Variants in IQGAP3 observed in about 807,000 individuals in gnomAD.
The protein encoded by IQGAP3 is IQ motif containing GTPase activating protein 3.
In IQGAP3, 165 loss-of-function variants were observed where a neutral mutation model predicts 208.2. The observed-to-expected ratio is 0.79, with a 90% CI of 0.70 to 0.90. IQGAP3 has a LOEUF of 0.90. Among genes scored for constraint, IQGAP3 ranks in the 40% least tolerant of loss-of-function variants. The pLI is 0.00. For synonymous variants in IQGAP3, 703 were observed against 803.6 expected (o/e 0.87, Z 2.12); for missense variants, 1,811 against 2,043.1 (o/e 0.89, Z 2.19).
intron 27 of IQGAP3, among the ~76,000 whole-genome samples, chr1:156,536,204 C>A (rs1398377377): frequency 6.6e-6 from 1 of 152,084 alleles, no homozygotes; most frequent in East Asian, 1.9e-4. Flanking sequence ...TCAACATCCT[C>A]ATCTTGCCCT....
intron 22 of IQGAP3, among the ~76,000 whole-genome samples, chr1:156,542,609 A>G (rs1675039140): frequency 6.6e-6 from 1 of 152,206 alleles, no homozygotes; most frequent in Admixed American, 6.5e-5. Flanking sequence ...AGGTATTAGC[A>G]TTATGTCCAG....
intron 10 of IQGAP3, among the ~76,000 whole-genome samples, chr1:156,561,522 GAC>G (rs1431825028): frequency 1.3e-5 from 2 of 152,080 alleles, no homozygotes; most frequent in Non-Finnish European, 2.9e-5. Context: ...TAACAACATA[GAC>G]AACACGAATG....
intron 35 of IQGAP3, 73 bp downstream of exon 35, chr1:156,528,843 G>T: frequency 6.5e-7 from 1 of 1,536,854 alleles, no homozygotes; most frequent in Non-Finnish European, 9.0e-7. Context: ...CTGGGAGATA[G>T]CAGGGCAAAG....
At chr1:156,549,957 G>T (rs1051743093) in intron 16 of IQGAP3, among the ~76,000 whole-genome samples, 8 of 152,206 alleles carry the variant, frequency 5.3e-5, no homozygotes, top group Non-Finnish European at 8.8e-5. Flanking sequence ...GCAGAAATGG[G>T]ATTTCTGACT....
At chr1:156,560,567 G>A (rs1033122340) in intron 11 of IQGAP3, among the ~76,000 whole-genome samples, 4 of 152,118 alleles carry the variant, frequency 2.6e-5, no homozygotes, top group Non-Finnish European at 4.4e-5. Flanking sequence ...GTTTTTAAGG[G>A]AAACTGAGAA....
intron 2 of IQGAP3, among the ~76,000 whole-genome samples, chr1:156,568,805 C>A (rs1366005685): frequency 6.6e-6 from 1 of 152,036 alleles, no homozygotes; most frequent in African/African-American, 2.4e-5. Context: ...CAGGAATAAG[C>A]TGAATGACAC....
chr1:156,552,145 C>T (rs1397887321), intron 13 of IQGAP3, 50 bp from the exon 14 acceptor site: 2 of 1,596,730 alleles, frequency 1.3e-6, no homozygotes, highest in Non-Finnish European at 8.5e-7. Flanking sequence ...GAATCATCAG[C>T]CAGAAGTCAG....
intron 12 of IQGAP3, among the ~76,000 whole-genome samples, chr1:156,555,186 C>T (rs1430383527): frequency 3.9e-5 from 6 of 152,192 alleles, no homozygotes; most frequent in African/African-American, 7.2e-5. Flanking sequence ...CCTTCTTCTG[C>T]TTTTCAAACA....
chr1:156,561,233 A>G (rs948818514), intron 10 of IQGAP3, among the ~76,000 whole-genome samples: 2 of 151,892 alleles, frequency 1.3e-5, no homozygotes, highest in Non-Finnish European at 2.9e-5. Flanking sequence ...CAGTGGCACA[A>G]TCTCGGCTCA....
chr1:156,559,909 G>A (rs758501399), intron 11 of IQGAP3, among the ~76,000 whole-genome samples: 8 of 152,218 alleles, frequency 5.3e-5, no homozygotes, highest in Non-Finnish European at 1.0e-4. Flanking sequence ...GATCAGATCT[G>A]TGCTTCAGAG....
chr1:156,539,083 A>G (rs1230393423), intron 25 of IQGAP3, 50 bp from the exon 26 acceptor site: 4 of 1,513,566 alleles, frequency 2.6e-6, no homozygotes, highest in Non-Finnish European at 2.7e-6. Flanking sequence ...TGTGTAGGAC[A>G]TACCGTTGCT....
Position 156,562,582 on chromosome 1 carries a change from C to T in IQGAP3, c.877+5G>A, listed in dbSNP as rs1676207188. 1 of 1,613,372 alleles carries T rather than the reference C, an allele frequency of 6.2e-7. No homozygotes were observed. The highest frequency in any genetic ancestry group is 1.3e-5 in the African/African-American group (1 of 75,022). ...CCCAAACCACTCCTGCTCGAGGTCT[C>T]TTACCGTTGACATGGTTGATATTGC... is the stretch of plus-strand genomic sequence containing the variant. On this transcript the variant is annotated splice_donor_5th_base_variant and intron_variant, in intron 9 of 37. Coordinates refer to ENST00000361170, the MANE Select transcript of IQGAP3 (RefSeq NM_178229.5).
chr1:156,537,264 T>C lies in IQGAP3; in HGVS notation c.3339A>G (p.Arg1113=). The change falls in exon 27 of 38, where the codon AGA becomes AGG. Residue 1113 remains arginine (R), a synonymous_variant. Coordinates refer to ENST00000361170, the MANE Select transcript of IQGAP3 (RefSeq NM_178229.5). ...EQALSHPEVQ[R]RLDIALRNLL... ...GGTTGCGTAGGGCGATGTCCAGTCG[T>C]CTCTGGACCTCGGGGTGGCTCAAGG... is the stretch of plus-strand genomic sequence containing the variant. The C allele has an allele frequency of 6.2e-7, 1 of 1,613,742 alleles. No homozygotes were observed. Among genetic ancestry groups the C allele is most frequent in the Non-Finnish European group, 8.5e-7 (1 of 1,179,748 alleles).
rs746342864 is a variant in IQGAP3, at chr1:156,566,078, T to C, written c.309A>G (p.Thr103=). ...CAGATAGCCAAAAGTTGATGTTGTC[T>C]GTGTGACGGAAATGTAAGCCAGTTG... ...YQATGLHFRH[T]DNINFWLSAI... The change falls in exon 4 of 38, where the codon ACA becomes ACG. Residue 103 remains threonine (T), a synonymous_variant. Coordinates refer to ENST00000361170, the MANE Select transcript of IQGAP3 (RefSeq NM_178229.5). The C allele has an allele frequency of 4.3e-6, 7 of 1,613,904 alleles. No individual in the cohort carries two copies. The South Asian group carries it at 7.7e-5, about 18-fold the overall frequency.
At position 156,534,506 on chromosome 1, in the gene IQGAP3, C is replaced by T. The variant is rs1287004029; in HGVS notation, c.3735G>A (p.Lys1245=). 6.4e-7 allele frequency: 1 copy of T among 1,567,580 alleles called. No individual in the cohort carries two copies. Among genetic ancestry groups the T allele is most frequent in the Non-Finnish European group, 8.6e-7 (1 of 1,156,946 alleles). Residue 1245 remains lysine, a synonymous_variant, in exon 29 of 38, where the codon AAG becomes AAA. Transcript: ENST00000361170. ...LNDYLEETHL[K]FRKFIHRACQ... ...AGAGGAAAGGGACCCAAGACCTGAA[C>T]TTGAGGTGTGTTTCCTCCAGATAGT... is the stretch of plus-strand genomic sequence containing the variant.
In IQGAP3 at chr1:156,534,620, A is replaced by G; in HGVS notation, c.3621T>C (p.His1207=). The part of the protein sequence containing the change: ...AGGALAAPQR[H]ALGAVAQLLQ... Reference sequence around the variant, plus strand: ...GGAGCTGAGCCACAGCCCCCAGGGCATGGCGCTGGGGGGCAGCCAGGGCTC... The same window carrying G: ...GGAGCTGAGCCACAGCCCCCAGGGCGTGGCGCTGGGGGGCAGCCAGGGCTC... Residue 1207 remains histidine (H), a synonymous_variant, in exon 29 of 38, where the codon CAT becomes CAC. Coordinates refer to ENST00000361170, the MANE Select transcript of IQGAP3 (RefSeq NM_178229.5). The G allele has an allele frequency of 6.2e-7, 1 of 1,612,170 alleles. No homozygotes were observed. The highest frequency in any genetic ancestry group is 2.2e-5 in the East Asian group (1 of 44,868).
chr1:156,538,951 G>A lies in IQGAP3; in HGVS notation c.3139C>T (p.Arg1047Trp), dbSNP rs150506468. The A allele has an allele frequency of 1.5e-5, 25 of 1,613,976 alleles. No homozygotes were observed. In the Admixed American group the frequency reaches 2.2e-4, roughly 14 times the overall value. ...ATCTCCTGCAGGGCACTCTGTCCCC[G>A]CCCATTACGGTAGAATCTCACCACC... ...RLVVRFYRNG[R>W]GQSALQEILG... Residue 1047 changes from arginine to tryptophan, a missense_variant, in exon 26 of 38, where the codon CGG becomes TGG. Transcript: ENST00000361170.
Position 156,526,438 on chromosome 1 carries a change from A to T in IQGAP3, c.*48T>A. On this transcript the variant is annotated 3_prime_UTR_variant, in exon 38 of 38. Coordinates refer to ENST00000361170, the MANE Select transcript of IQGAP3 (RefSeq NM_178229.5). ...CACAGTGGTGAGTTAGTGTTAAAGA[A>T]AGCATCCAGAGAGGTAAGAGGGGCT... The T allele has an allele frequency of 8.3e-7, 1 of 1,203,512 alleles. No individual in the cohort carries two copies. Among genetic ancestry groups the T allele is most frequent in the Non-Finnish European group, 1.2e-6 (1 of 806,676 alleles). 74.6% of individuals were successfully genotyped at this position (1,203,512 alleles called of 1,614,324 possible). A position where few individuals can be genotyped will look rare whatever the true frequency, so the allele number is the denominator to read the frequency against.
Position 156,540,905 on chromosome 1 carries a change from G to T in IQGAP3, c.2542C>A (p.His848Asn). The change falls in exon 23 of 38, where the codon CAC becomes AAC. Residue 848 changes from histidine to asparagine, a missense_variant. By Grantham distance (68) the His-to-Asn change is moderately conservative. Transcript: ENST00000361170. ...CTGCGTACCACACTGAGAGGAGGGT[G>T]GGGTGCATGCACTGGGAGGAAGGGA... ...DDYRILVHAP[H>N]PPLSVVRRFA... 1 of 1,613,682 alleles carries T rather than the reference G, an allele frequency of 6.2e-7. No homozygotes were observed. The highest frequency in any genetic ancestry group is 1.1e-5 in the South Asian group (1 of 91,058).
Sources: gnomAD v4.1 joint callset for allele counts (sites outside exome capture counted in the v4.1 genomes callset) on GRCh38, gnomAD v4.1.1 for gene constraint, MANE v1.5 for transcripts, NCBI Gene and HGNC (gene_info 2026-07-23, HGNC 2026-07-21) for gene names.